Variants in USP7 observed in about 807,000 individuals in gnomAD.
USP7 encodes ubiquitin specific peptidase 7.
In USP7, 9 loss-of-function variants were observed where a neutral mutation model predicts 162.9. The observed-to-expected ratio is 0.06, with a 90% CI of 0.03 to 0.10. USP7 has a LOEUF of 0.10. USP7 is among the 10% of genes least tolerant of loss of function. USP7 has a pLI of 1.00. For synonymous variants in USP7, 562 were observed against 475.9 expected, an observed-to-expected ratio of 1.18 and a Z score of -2.35; for missense variants, 715 against 1,373.7, an observed-to-expected ratio of 0.52 and a Z score of 7.58.
intron 1 of USP7, chr16:8,936,441 G>C: frequency 2.4e-6 from 2 of 821,598 alleles, no homozygotes; most frequent in South Asian, 2.5e-5. Flanking sequence ...CTAGAAAGCA[G>C]TGATCTTTAT....
rs1038932633 is a variant in USP7, at chr16:8,896,929, C to T, written c.2819+70G>A. On this transcript the variant is annotated intron_variant, in intron 26 of 30. Transcript: ENST00000344836. Reference sequence around the variant, plus strand: ...CCCAGCTGGGTGATTTCCACCAACGCAACTGCAGAGGTCAGCGTTAACTGC... The same window carrying T: ...CCCAGCTGGGTGATTTCCACCAACGTAACTGCAGAGGTCAGCGTTAACTGC... 1.3e-5 allele frequency: 15 copies of T among 1,193,678 alleles called. No individual in the cohort carries two copies. In the African/African-American group the frequency reaches 1.8e-4, roughly 14 times the overall value. 73.9% of individuals were successfully genotyped at this position (1,193,678 alleles called of 1,614,324 possible).
intron 15 of USP7, 42 bp downstream of exon 15, chr16:8,904,393 G>A (rs374276830): frequency 2.7e-5 from 44 of 1,606,102 alleles, no homozygotes; most frequent in Admixed American, 6.7e-5. Flanking sequence ...ATGGGTGCCC[G>A]GCTGCATGGT....
chr16:8,911,759 T>A (rs2061950079), intron 10 of USP7, among the ~76,000 whole-genome samples: 1 of 152,098 alleles, frequency 6.6e-6, no homozygotes, highest in Non-Finnish European at 1.5e-5. Flanking sequence ...GAAAGCGAGA[T>A]CTGGGGATGT....
chr16:8,915,233 T>A, intron 10 of USP7, 21 bp downstream of exon 10: 1 of 1,558,992 alleles, frequency 6.4e-7, no homozygotes, highest in Non-Finnish European at 8.7e-7. Flanking sequence ...GATCATGCCA[T>A]TAGATACACA....
chr16:8,895,834 GAT>G, intron 26 of USP7, 93 bp from the exon 27 acceptor site: 4 of 794,638 alleles, frequency 5.0e-6, no homozygotes, highest in Non-Finnish European at 3.7e-6. Flanking sequence ...AAGTTACCAC[GAT>G]ATGTTTTTTT....
intron 1 of USP7, among the ~76,000 whole-genome samples, chr16:8,933,150 G>A (rs1898469702): frequency 6.6e-6 from 1 of 152,120 alleles, no homozygotes; most frequent in Non-Finnish European, 1.5e-5. Flanking sequence ...ATGTTGGTCA[G>A]ACTGGTCTCA....
chr16:8,899,161 T>C lies in USP7; in HGVS notation c.2491A>G (p.Asn831Asp), dbSNP rs779171215. Reference protein sequence around the residue: ...QVAKTVAQRLNTDPMLLQFFK... With the variant: ...QVAKTVAQRLDTDPMLLQFFK... ...AACTGCAGCAACATTGGATCTGTGT[T>C]GAGCCTCTGTGCAACTGTCTTTGCA... Residue 831 changes from asparagine (N) to aspartate (D), a missense_variant, in exon 23 of 31, where the codon AAC becomes GAC. Transcript: ENST00000344836. 1 of 1,614,196 alleles carries C rather than the reference T, an allele frequency of 6.2e-7. No homozygotes were observed. Among genetic ancestry groups the C allele is most frequent in the Non-Finnish European group, 8.5e-7 (1 of 1,180,038 alleles).
chr16:8,954,513 C>G lies in USP7; in HGVS notation c.79+8694G>C, dbSNP rs576153317. 2.9e-4 allele frequency among the ~76,000 whole-genome samples: 44 copies of G among 152,210 alleles called. 1 individual carries two copies. Among genetic ancestry groups the G allele is most frequent in the Admixed American group, 3.3e-4 (5 of 15,280 alleles). On this transcript the variant is annotated intron_variant, in intron 1 of 30. Transcript: ENST00000344836. ...GAGATTTTAGGATTACCCTGTTAAC[C>G]GTAACTCAAAAAGTCAAATCCACAA... is the stretch of plus-strand genomic sequence containing the variant.
chr16:8,949,627 C>A, intron 1 of USP7: 1 of 152,622 alleles, frequency 6.6e-6, no homozygotes, highest in Non-Finnish European at 1.5e-5. Flanking sequence ...CCATGCCTTC[C>A]TTCTCTCAGA....
Position 8,950,439 on chromosome 16 carries a change from G to A in USP7, c.79+12768C>T, listed in dbSNP as rs1455987659. On this transcript the variant is annotated intron_variant, in intron 1 of 30. Coordinates refer to ENST00000344836, the MANE Select transcript of USP7 (RefSeq NM_003470.3). The stretch of plus-strand genomic sequence containing the variant: ...AAATAACAGCTTCTGATTTCCAAAG[G>A]AAATACTGATCATTAAGAGTAAATG... Among the ~76,000 whole-genome samples the A allele has an allele frequency of 2.0e-5, 3 of 152,256 alleles. No homozygotes were observed. In the East Asian group the frequency reaches 5.8e-4, roughly 29 times the overall value.
intron 12 of USP7, among the ~76,000 whole-genome samples, chr16:8,906,861 T>C (rs2141183184): frequency 6.6e-6 from 1 of 152,378 alleles, no homozygotes; most frequent in African/African-American, 2.4e-5. Flanking sequence ...TAAGGATATC[T>C]GCAAACTGAG....
intron 12 of USP7, among the ~76,000 whole-genome samples, chr16:8,907,995 A>G (rs1398127188): frequency 6.6e-6 from 1 of 152,220 alleles, no homozygotes; most frequent in Non-Finnish European, 1.5e-5. Flanking sequence ...CTGAAATAAC[A>G]TTTATAATCG....
At chr16:8,917,567 C>G (rs1386977715) in intron 6 of USP7, among the ~76,000 whole-genome samples, 1 of 152,060 alleles carries the variant, frequency 6.6e-6, no homozygotes, top group African/African-American at 2.4e-5. Context: ...TCAGGAGAGA[C>G]AGGGTTTTGC....
At chr16:8,928,274 G>A (rs1426767663) in intron 2 of USP7, among the ~76,000 whole-genome samples, 2 of 152,136 alleles carry the variant, frequency 1.3e-5, no homozygotes, top group East Asian at 1.9e-4. Context: ...TTCTAATGAG[G>A]TGCTTCCCAG....
intron 25 of USP7, chr16:8,897,393 C>CA (rs921760964): frequency 5.5e-6 from 2 of 360,518 alleles, no homozygotes; most frequent in African/African-American, 4.1e-5. Context: ...AGGGGTCACC[C>CA]AGGGCCTTCC....
intron 12 of USP7, among the ~76,000 whole-genome samples, chr16:8,906,985 T>C (rs556756580): frequency 2.0e-5 from 3 of 152,394 alleles, no homozygotes; most frequent in East Asian, 3.9e-4. Flanking sequence ...TAACTGGCTC[T>C]ACAAATTTTG....
chr16:8,892,870 C>T lies in USP7; in HGVS notation c.*1128G>A, dbSNP rs1339691592. 1.3e-5 allele frequency: 2 copies of T among 152,044 alleles called. No individual in the cohort carries two copies. The highest frequency in any genetic ancestry group is 3.8e-4 in the East Asian group (2 of 5,200). The allele number at this position is 152,044 out of a possible 1,614,324, so 9.4% of individuals were successfully genotyped here. On this transcript the variant is annotated 3_prime_UTR_variant, in exon 31 of 31. Transcript: ENST00000344836. The stretch of plus-strand genomic sequence containing the variant: ...GTGTACACTGCTCCCACAGAAACAA[C>T]CCAAAAAATACCGGAAAAGGATGAA...
intron 7 of USP7, 61 bp downstream of exon 7, chr16:8,916,965 G>A: frequency 9.5e-7 from 1 of 1,049,922 alleles, no homozygotes; most frequent in Non-Finnish European, 1.3e-6. Flanking sequence ...CTACTCACTT[G>A]TCCTAAAAAA....
At position 8,928,746 on chromosome 16, in the gene USP7, G is replaced by C. The variant is rs148064637; in HGVS notation, c.184+1547C>G. 3.4e-3 allele frequency among the ~76,000 whole-genome samples: 519 copies of C among 152,316 alleles called. 2 individuals carry two copies. Among genetic ancestry groups the C allele is most frequent in the African/African-American group, 0.012 (492 of 41,580 alleles). Reference sequence around the variant, plus strand: ...GATTATACGCTTTTTCCATCAAGGAGGTCACAAGAAGGGCATTTCCACTTT... The same window carrying C: ...GATTATACGCTTTTTCCATCAAGGACGTCACAAGAAGGGCATTTCCACTTT... On this transcript the variant is annotated intron_variant, in intron 2 of 30. Coordinates refer to ENST00000344836, the MANE Select transcript of USP7 (RefSeq NM_003470.3).
Sources: gnomAD v4.1 joint callset for allele counts (sites outside exome capture counted in the v4.1 genomes callset) on GRCh38, gnomAD v4.1.1 for gene constraint, MANE v1.5 for transcripts, NCBI Gene and HGNC (gene_info 2026-07-23, HGNC 2026-07-21) for gene names.